The following MBNL3 variants were observed in gnomAD, a reference collection of about 807,000 sequenced individuals.
The protein encoded by MBNL3 is muscleblind-like protein 3.
MBNL3 carries 6 observed loss-of-function variants against 24.5 expected under a neutral mutation model. That is an observed-to-expected ratio of 0.25 (90% CI 0.13 to 0.48). MBNL3 has a LOEUF of 0.48. MBNL3 is among the 20% of genes least tolerant of loss of function. MBNL3 has a pLI of 0.99. For synonymous variants in MBNL3, 100 were observed against 101.7 expected (o/e 0.98, Z 0.10); for missense variants, 230 against 293.5 (o/e 0.78, Z 1.58).
chrX:132,423,679 GA>G (rs760264715), intron 2 of MBNL3, among the ~76,000 whole-genome samples: 1 of 111,393 alleles, frequency 9.0e-6, no homozygotes, highest in South Asian at 3.8e-4. Context: ...TTTTCCTAAT[GA>G]AAAAAAGTAA....
At chrX:132,387,724 G>A (rs186352346) in intron 5 of MBNL3, among the ~76,000 whole-genome samples, 3 of 112,130 alleles carry the variant, frequency 2.7e-5, no homozygotes, top group East Asian at 2.8e-4. Flanking sequence ...CCTACCTCAC[G>A]CAGGTACTAT....
intron 7 of MBNL3, among the ~76,000 whole-genome samples, chrX:132,383,251 T>C (rs1355226604): frequency 8.9e-6 from 1 of 112,307 alleles, no homozygotes; most frequent in Non-Finnish European, 1.9e-5. Flanking sequence ...ACATGTGCAA[T>C]GTCATAGAAA....
intron 3 of MBNL3, among the ~76,000 whole-genome samples, chrX:132,396,390 A>T (rs1222622367): frequency 2.1e-4 from 18 of 86,580 alleles, no homozygotes; most frequent in Non-Finnish European, 3.9e-4. Context: ...TCATATATAT[A>T]TTCCTATATA....
At chrX:132,394,536 C>T (rs1937666648) in intron 3 of MBNL3, among the ~76,000 whole-genome samples, 1 of 112,018 alleles carries the variant, frequency 8.9e-6, no homozygotes, top group Non-Finnish European at 1.9e-5. Context: ...TCACTGAAGC[C>T]ACCAGCCCAT....
chrX:132,463,603 T>G (rs1364730377), intron 1 of MBNL3, among the ~76,000 whole-genome samples: 1 of 112,178 alleles, frequency 8.9e-6, no homozygotes, highest in Non-Finnish European at 1.9e-5. Context: ...TTACAACTTA[T>G]AACCACGCAC....
At chrX:132,485,841 A>T (rs1266075101) in intron 1 of MBNL3, among the ~76,000 whole-genome samples, 1 of 112,254 alleles carries the variant, frequency 8.9e-6, no homozygotes, top group Non-Finnish European at 1.9e-5. Flanking sequence ...AAGGCAGAAA[A>T]ATCCCACAAA....
At chrX:132,458,325 A>ATG (rs1946476356) in intron 1 of MBNL3, among the ~76,000 whole-genome samples, 1 of 109,918 alleles carries the variant, frequency 9.1e-6, no homozygotes, top group Admixed American at 9.7e-5. Context: ...AAAAAAACTT[A>ATG]TGTGTAGGCC....
At chrX:132,453,509 T>G (rs1034351881) in intron 1 of MBNL3, among the ~76,000 whole-genome samples, 10 of 111,737 alleles carry the variant, frequency 8.9e-5, no homozygotes, top group Non-Finnish European at 1.7e-4. Flanking sequence ...CTTCTTTGCA[T>G]TTTGCTACCT....
At chrX:132,425,171 A>T (rs183411619) in intron 2 of MBNL3, among the ~76,000 whole-genome samples, 56 of 111,999 alleles carry the variant, frequency 5.0e-4, no homozygotes, top group Non-Finnish European at 3.8e-4. Context: ...TTTTGAAAGC[A>T]GAGTCAATTG....
intron 1 of MBNL3, among the ~76,000 whole-genome samples, chrX:132,475,067 TA>T (rs1466667494): frequency 8.9e-6 from 1 of 112,024 alleles, no homozygotes; most frequent in Non-Finnish European, 1.9e-5. Context: ...TGGCCACTCC[TA>T]GGGGTGAGGG....
At chrX:132,382,953 C>G (rs1487790210) in intron 7 of MBNL3, among the ~76,000 whole-genome samples, 1 of 112,228 alleles carries the variant, frequency 8.9e-6, no homozygotes, top group Non-Finnish European at 1.9e-5. Flanking sequence ...GAGTACTTCA[C>G]AGTAAATCTT....
rs1272452699 is a variant in MBNL3 at position 132,466,972 on chromosome X, GTAC to G, written c.-704+21876_-704+21878del. Among the ~76,000 whole-genome samples, 3 of 111,486 alleles carry G rather than the reference GTAC, an allele frequency of 2.7e-5. No individual in the cohort carries two copies. In the South Asian group the frequency reaches 1.1e-3, roughly 42 times the overall value. Reference sequence around the variant, plus strand: ...TGTCAGGGAGTGAGCATTGGAAAGGGTACTATAGGCAGTATCTATTTACTAACC... The same window carrying G: ...TGTCAGGGAGTGAGCATTGGAAAGGGTATAGGCAGTATCTATTTACTAACC... On this transcript the variant is annotated intron_variant, in intron 1 of 8. Transcript: ENST00000370853.
rs778379419 is a variant in MBNL3 at position 132,397,859 on chromosome X, G to A, written c.343-5525C>T. Among the ~76,000 whole-genome samples, 3 of 110,729 alleles carry A rather than the reference G, an allele frequency of 2.7e-5. 1 individual carries two copies. The highest frequency in any genetic ancestry group is 5.7e-5 in the Non-Finnish European group (3 of 52,945). On this transcript the variant is annotated intron_variant, in intron 3 of 8. Coordinates refer to ENST00000370853, the MANE Select transcript of MBNL3 (RefSeq NM_001386889.1). ...CACTCCTTGAGTAATGTTCCGTGGG[G>A]ACTGAAGTGGCCAAAATGCAGGCTG...
At chrX:132,475,683 T>C (rs986061392) in intron 1 of MBNL3, among the ~76,000 whole-genome samples, 3 of 110,889 alleles carry the variant, frequency 2.7e-5, no homozygotes, top group African/African-American at 9.9e-5. Flanking sequence ...AAAATGGGGG[T>C]TCAAATTTTA....
chrX:132,384,720 G>A (rs1355775321), intron 6 of MBNL3, 22 bp from the exon 7 acceptor site: 31 of 1,125,087 alleles, frequency 2.8e-5, no homozygotes, highest in African/African-American at 5.6e-5. Flanking sequence ...GCAGAAAAGC[G>A]TGGAAAGTAA....
intron 2 of MBNL3, among the ~76,000 whole-genome samples, chrX:132,409,797 G>A (rs1228916299): frequency 3.6e-5 from 4 of 111,514 alleles, no homozygotes; most frequent in Non-Finnish European, 5.6e-5. Context: ...TTAAAGAAAC[G>A]TTGAAGCGAT....
At chrX:132,481,397 A>C (rs1947728178) in intron 1 of MBNL3, among the ~76,000 whole-genome samples, 2 of 112,486 alleles carry the variant, frequency 1.8e-5, no homozygotes, top group Non-Finnish European at 1.9e-5. Flanking sequence ...TTGTAAAAGA[A>C]TTTAAAATCA....
chrX:132,478,607 T>C (rs868702537), intron 1 of MBNL3, among the ~76,000 whole-genome samples: 2 of 112,434 alleles, frequency 1.8e-5, no homozygotes, highest in Non-Finnish European at 3.8e-5. Flanking sequence ...AACAGGTGCA[T>C]GGATTTGAAA....
chrX:132,421,939 A>G (rs1331298813), intron 2 of MBNL3, among the ~76,000 whole-genome samples: 1 of 112,149 alleles, frequency 8.9e-6, no homozygotes, highest in Non-Finnish European at 1.9e-5. Context: ...AATATTAAAA[A>G]AAAATTGTAG....
Sources: allele counts gnomAD v4.1 joint callset (sites outside exome capture counted in the v4.1 genomes callset), GRCh38; gene constraint gnomAD v4.1.1; transcripts MANE v1.5; gene names NCBI Gene and HGNC (gene_info 2026-07-23, HGNC 2026-07-21).